The following GPC5 variants were observed in gnomAD, a reference collection of about 807,000 sequenced individuals.
GPC5 encodes glypican 5.
GPC5 carries 47 observed loss-of-function variants against 53.9 expected under a neutral mutation model. The observed-to-expected ratio is 0.87, with a 90% CI of 0.69 to 1.11. The LOEUF (loss-of-function observed/expected upper bound fraction) is 1.11, where lower values mean the gene tolerates loss of function less well. GPC5 is among the 50% of genes most tolerant of loss of function. The pLI is 0.00. For missense variants in GPC5, 748 were observed against 713.1 expected, an observed-to-expected ratio of 1.05 and a Z score of -0.56; for synonymous variants, 286 against 263.3, an observed-to-expected ratio of 1.09 and a Z score of -0.84.
At chr13:92,275,337 A>G (rs992176571) in intron 7 of GPC5, among the ~76,000 whole-genome samples, 11 of 152,190 alleles carry the variant, frequency 7.2e-5, no homozygotes, top group African/African-American at 2.4e-4. Flanking sequence ...AGATATGCAA[A>G]ATCCATTTAA....
chr13:91,850,454 A>G (rs2038899923), intron 5 of GPC5, among the ~76,000 whole-genome samples: 1 of 152,154 alleles, frequency 6.6e-6, no homozygotes, highest in African/African-American at 2.4e-5. Context: ...TAATAAACCC[A>G]CTAAAGGGAT....
At chr13:92,029,672 T>C (rs1005251215) in intron 6 of GPC5, among the ~76,000 whole-genome samples, 64 of 152,232 alleles carry the variant, frequency 4.2e-4, no homozygotes, top group Admixed American at 2.4e-3. Context: ...ATAGGTTGAC[T>C]CATTGCTGTT....
intron 7 of GPC5, among the ~76,000 whole-genome samples, chr13:92,227,070 G>A (rs1329816926): frequency 6.6e-6 from 1 of 152,158 alleles, no homozygotes; most frequent in Non-Finnish European, 1.5e-5. Flanking sequence ...GAGTAAACAG[G>A]CAAATACTTT....
chr13:91,486,167 C>G (rs541629267), intron 2 of GPC5: 1 of 152,314 alleles, frequency 6.6e-6, no homozygotes, highest in Admixed American at 6.5e-5. Context: ...GTATAGTTAC[C>G]TGGGTAACCA....
At chr13:92,318,426 C>T (rs1372229059) in intron 7 of GPC5, among the ~76,000 whole-genome samples, 1 of 152,124 alleles carries the variant, frequency 6.6e-6, no homozygotes, top group African/African-American at 2.4e-5. Context: ...CCCATATAGA[C>T]TTAAATAACC....
At chr13:92,160,392 G>A (rs528464206) in intron 7 of GPC5, among the ~76,000 whole-genome samples, 7 of 152,242 alleles carry the variant, frequency 4.6e-5, no homozygotes, top group Admixed American at 4.6e-4. Flanking sequence ...TCTAGTCTTC[G>A]GGTGCGGGGA....
chr13:92,415,053 C>T (rs937796499), intron 7 of GPC5, among the ~76,000 whole-genome samples: 3 of 152,126 alleles, frequency 2.0e-5, no homozygotes, highest in Non-Finnish European at 1.5e-5. Flanking sequence ...GGAGGAGAAG[C>T]GTGCACCTGT....
chr13:92,023,975 A>G (rs1308399657), intron 6 of GPC5, among the ~76,000 whole-genome samples: 1 of 152,116 alleles, frequency 6.6e-6, no homozygotes, highest in Non-Finnish European at 1.5e-5. Context: ...ATGAGGTGAC[A>G]TTATTGTACC....
At position 91,514,940 on chromosome 13, in the gene GPC5, G is replaced by T. The variant is rs187950314; in HGVS notation, c.325+66018G>T. On this transcript the variant is annotated intron_variant, in intron 2 of 7. Transcript: ENST00000377067. ...GAACTAAAGAATACTTTATATCTGC[G>T]CTATTTAAAACCATAGCCACTAGCC... Among the ~76,000 whole-genome samples, 5 of 152,162 alleles carry T rather than the reference G, an allele frequency of 3.3e-5. No individual in the cohort carries two copies. The East Asian group carries it at 9.7e-4, about 29-fold the overall frequency.
At chr13:92,195,304 G>A (rs943807058) in intron 7 of GPC5, among the ~76,000 whole-genome samples, 1 of 152,124 alleles carries the variant, frequency 6.6e-6, no homozygotes, top group Admixed American at 6.6e-5. Flanking sequence ...TCAGCGTCTG[G>A]TATTATAAAT....
At chr13:92,659,412 T>C (rs936286335) in intron 7 of GPC5, among the ~76,000 whole-genome samples, 7 of 151,418 alleles carry the variant, frequency 4.6e-5, no homozygotes, top group African/African-American at 1.7e-4. Flanking sequence ...TTTTTTTTTT[T>C]TTTTTGCCTC....
At chr13:91,552,135 A>G (rs80201135) in intron 2 of GPC5, among the ~76,000 whole-genome samples, 1 of 152,050 alleles carries the variant, frequency 6.6e-6, no homozygotes, top group Non-Finnish European at 1.5e-5. Flanking sequence ...ATTACTTTTA[A>G]TGATCAATAT....
At chr13:92,199,578 TA>T (rs1305038408) in intron 7 of GPC5, among the ~76,000 whole-genome samples, 2 of 152,356 alleles carry the variant, frequency 1.3e-5, no homozygotes, top group East Asian at 3.9e-4. Context: ...AATTAGACTG[TA>T]ATTACAAAGA....
In GPC5 at chr13:91,693,516, C is replaced by T; in HGVS notation, c.655C>T (p.Leu219=). 2 of 1,614,086 alleles carry T rather than the reference C, an allele frequency of 1.2e-6. No individual in the cohort carries two copies. Among genetic ancestry groups the T allele is most frequent in the Non-Finnish European group, 1.7e-6 (2 of 1,180,016 alleles). The change falls in exon 3 of 8, where the codon CTG becomes TTG. Residue 219 remains leucine (L), a synonymous_variant. Transcript: ENST00000377067. The part of the protein sequence containing the change: ...QRVMGQMGRS[L]LPSRTFLQAL... Reference sequence around the variant, plus strand: ...AGTAATGGGACAGATGGGGAGGTCCCTGCTGCCCAGCCGCACTTTTCTGCA... The same window carrying T: ...AGTAATGGGACAGATGGGGAGGTCCTTGCTGCCCAGCCGCACTTTTCTGCA...
chr13:92,328,420 A>G (rs2043266862), intron 7 of GPC5, among the ~76,000 whole-genome samples: 1 of 152,200 alleles, frequency 6.6e-6, no homozygotes, highest in African/African-American at 2.4e-5. Flanking sequence ...GAGAACAAGT[A>G]AGAAAGATCT....
At chr13:91,709,093 G>A (rs1359652384) in intron 3 of GPC5, among the ~76,000 whole-genome samples, 3 of 152,150 alleles carry the variant, frequency 2.0e-5, no homozygotes, top group African/African-American at 7.2e-5. Context: ...TTCAAGTAAT[G>A]TATATTGAGT....
At chr13:92,662,260 C>A (rs975282902) in intron 7 of GPC5, among the ~76,000 whole-genome samples, 3 of 152,114 alleles carry the variant, frequency 2.0e-5, no homozygotes, top group African/African-American at 7.2e-5. Context: ...CTCACAAATG[C>A]CGACATTCAT....
intron 5 of GPC5, among the ~76,000 whole-genome samples, chr13:91,825,659 G>C (rs1457130789): frequency 1.3e-5 from 2 of 152,042 alleles, no homozygotes; most frequent in Admixed American, 1.3e-4. Context: ...ACTATACTGG[G>C]TGAGATTTGT....
At chr13:92,472,706 G>GTA (rs145172610) in intron 7 of GPC5, among the ~76,000 whole-genome samples, 1 of 152,146 alleles carries the variant, frequency 6.6e-6, no homozygotes, top group East Asian at 1.9e-4. Context: ...ACTATCTGAG[G>GTA]TATAGTAAGA....
Sources: gnomAD v4.1 joint callset for allele counts (sites outside exome capture counted in the v4.1 genomes callset) on GRCh38, gnomAD v4.1.1 for gene constraint, MANE v1.5 for transcripts, NCBI Gene and HGNC (gene_info 2026-07-23, HGNC 2026-07-21) for gene names.